The following C1orf87 variants were observed in gnomAD, a reference collection of about 807,000 sequenced individuals.
The protein encoded by C1orf87 is chromosome 1 open reading frame 87, also known as uncharacterized protein C1orf87.
In C1orf87, 58 loss-of-function variants were observed where a neutral mutation model predicts 60.5. That is an observed-to-expected ratio of 0.96 (90% CI 0.78 to 1.19). The LOEUF (loss-of-function observed/expected upper bound fraction) is 1.19. Among genes scored for constraint, C1orf87 ranks in the 50% most tolerant of loss-of-function variants. The pLI is 0.00. For synonymous variants in C1orf87, 236 were observed against 227.4 expected (o/e 1.04, Z -0.34); for missense variants, 673 against 638.6 (o/e 1.05, Z -0.58).
chr1:60,042,852 G>A (rs529939854), intron 3 of C1orf87, among the ~76,000 whole-genome samples: 5 of 152,308 alleles, frequency 3.3e-5, no homozygotes, highest in Admixed American at 1.3e-4. Flanking sequence ...CTGATGGTGG[G>A]AGGCATAGCA....
At chr1:59,990,916 T>C (rs1644917625) in intron 11 of C1orf87, 83 bp from the exon 12 acceptor site, 3 of 1,382,760 alleles carry the variant, frequency 2.2e-6, no homozygotes, top group South Asian at 1.4e-5. Flanking sequence ...CTTGAATGAC[T>C]TCCAGGTAAA....
chr1:60,005,024 C>G lies in C1orf87; in HGVS notation c.1193-3868G>C, dbSNP rs190004650. On this transcript the variant is annotated intron_variant, in intron 9 of 11. Coordinates refer to ENST00000371201, the MANE Select transcript of C1orf87 (RefSeq NM_152377.3). ...AACTCAGTACTTTTTAAAAAATTCC[C>G]TAGGTGATTCTAAAGTAAAACCAGG... is the stretch of plus-strand genomic sequence containing the variant. Among the ~76,000 whole-genome samples, 144 of 152,136 alleles carry G rather than the reference C, an allele frequency of 9.5e-4. 1 individual carries two copies. Among genetic ancestry groups the G allele is most frequent in the Middle Eastern group, 3.4e-3 (1 of 294 alleles).
chr1:59,994,319 G>T (rs1412248862), intron 11 of C1orf87, among the ~76,000 whole-genome samples: 1 of 151,720 alleles, frequency 6.6e-6, no homozygotes, highest in East Asian at 1.9e-4. Flanking sequence ...TATGTCATGG[G>T]ACTGGGTGTA....
Position 60,010,405 on chromosome 1 carries a change from A to G in C1orf87, c.1179T>C (p.Ser393=). Residue 393 remains serine (S), a synonymous_variant, in exon 9 of 12, where the codon TCT becomes TCC. Coordinates refer to ENST00000371201, the MANE Select transcript of C1orf87 (RefSeq NM_152377.3). ...AATGGAACTCACCTGTAGGCAAATC[A>G]GATAACAAATCAGAAGAAGCTCTGG... ...MLTRASSDLL[S]DLPTGKNEKK... 3.1e-6 allele frequency: 5 copies of G among 1,612,536 alleles called. No homozygotes were observed. Among genetic ancestry groups the G allele is most frequent in the Non-Finnish European group, 4.2e-6 (5 of 1,178,904 alleles).
At chr1:60,007,302 T>C (rs527524859) in intron 9 of C1orf87, among the ~76,000 whole-genome samples, 1 of 152,238 alleles carries the variant, frequency 6.6e-6, no homozygotes, top group Non-Finnish European at 1.5e-5. Flanking sequence ...AGTTCACTGG[T>C]CCTCTCATCA....
At chr1:60,051,256 G>A (rs1480325790) in intron 3 of C1orf87, among the ~76,000 whole-genome samples, 6 of 152,284 alleles carry the variant, frequency 3.9e-5, no homozygotes, top group Admixed American at 3.3e-4. Flanking sequence ...GAATTTAAGT[G>A]TTTTAAGCAG....
intron 2 of C1orf87, among the ~76,000 whole-genome samples, chr1:60,061,992 G>A (rs953471869): frequency 1.3e-5 from 2 of 152,000 alleles, no homozygotes; most frequent in Non-Finnish European, 2.9e-5. Flanking sequence ...TAGGTGGTTT[G>A]GGCCAATGGG....
intron 2 of C1orf87, among the ~76,000 whole-genome samples, chr1:60,064,954 A>G (rs1160859375): frequency 3.5e-5 from 3 of 86,386 alleles, no homozygotes; most frequent in African/African-American, 1.5e-4. Context: ...TATAATAAAT[A>G]TATAATATAT....
chr1:60,025,299 C>T, intron 8 of C1orf87, 102 bp downstream of exon 8: 5 of 890,990 alleles, frequency 5.6e-6, no homozygotes, highest in Non-Finnish European at 8.8e-6. Context: ...CCTCCCAAAC[C>T]AGTCTCCAAA....
intron 3 of C1orf87, among the ~76,000 whole-genome samples, chr1:60,048,683 A>C (rs1028411222): frequency 6.6e-6 from 1 of 152,112 alleles, no homozygotes; most frequent in Non-Finnish European, 1.5e-5. Context: ...TTATCCATTC[A>C]TCATGTTCCA....
chr1:60,010,621 A>G (rs1461631636), intron 8 of C1orf87, among the ~76,000 whole-genome samples, 165 bp from the exon 9 acceptor site: 1 of 152,008 alleles, frequency 6.6e-6, no homozygotes, highest in Non-Finnish European at 1.5e-5. Flanking sequence ...TATCTTTATT[A>G]AAAAGGGCTT....
intron 2 of C1orf87, among the ~76,000 whole-genome samples, chr1:60,067,543 G>T (rs921403664): frequency 3.3e-5 from 4 of 122,050 alleles, no homozygotes; most frequent in South Asian, 2.8e-4. Flanking sequence ...CATATCTTTT[G>T]CCCACTTTTT....
chr1:60,002,338 GATA>G lies in C1orf87; in HGVS notation c.1193-1185_1193-1183del, dbSNP rs772198258. Among the ~76,000 whole-genome samples, 7 of 152,030 alleles carry G rather than the reference GATA, an allele frequency of 4.6e-5. No homozygotes were observed. In the East Asian group the frequency reaches 7.7e-4, roughly 17 times the overall value. ...TCAGTTTCCTCTTCTGTATAAAGGG[GATA>G]ATGACACCTATAGGCTATTGTAAGG... On this transcript the variant is annotated intron_variant, in intron 9 of 11. Coordinates refer to ENST00000371201, the MANE Select transcript of C1orf87 (RefSeq NM_152377.3).
chr1:59,997,267 G>C (rs1227592176), intron 11 of C1orf87, among the ~76,000 whole-genome samples: 1 of 152,114 alleles, frequency 6.6e-6, no homozygotes, highest in Non-Finnish European at 1.5e-5. Flanking sequence ...AGGTGGATAG[G>C]GACCAGATTT....
intron 9 of C1orf87, among the ~76,000 whole-genome samples, chr1:60,009,721 A>G (rs1645069814): frequency 6.6e-6 from 1 of 152,046 alleles, no homozygotes; most frequent in Non-Finnish European, 1.5e-5. Context: ...TAGTAAATAG[A>G]AAAACTACAA....
intron 6 of C1orf87, among the ~76,000 whole-genome samples, chr1:60,036,006 C>T (rs1374363567): frequency 2.6e-5 from 4 of 152,168 alleles, no homozygotes; most frequent in Admixed American, 2.0e-4. Context: ...TTGTTTTCTA[C>T]CGCATGGTCT....
chr1:60,046,802 A>G (rs1260685088), intron 3 of C1orf87, among the ~76,000 whole-genome samples: 3 of 152,112 alleles, frequency 2.0e-5, no homozygotes, highest in African/African-American at 4.8e-5. Flanking sequence ...TTTTCTTGCA[A>G]TTGTTGAAGA....
At chr1:59,994,369 C>T (rs1644948854) in intron 11 of C1orf87, among the ~76,000 whole-genome samples, 1 of 152,018 alleles carries the variant, frequency 6.6e-6, no homozygotes, top group South Asian at 2.1e-4. Flanking sequence ...TTATGGCTCA[C>T]CATCCTACTG....
At position 60,000,505 on chromosome 1, in the gene C1orf87, G is replaced by T. The variant is rs375547431; in HGVS notation, c.1272+572C>A. Among the ~76,000 whole-genome samples the T allele has an allele frequency of 1.1e-4, 17 of 152,036 alleles. No individual in the cohort carries two copies. The East Asian group carries it at 2.3e-3, about 21-fold the overall frequency. On this transcript the variant is annotated intron_variant, in intron 10 of 11. Coordinates refer to ENST00000371201, the MANE Select transcript of C1orf87 (RefSeq NM_152377.3). Reference sequence around the variant, plus strand: ...TAAGATGAATTATGTTCTAATCCGGGCATTTAAAAAACAACAACAGAAAAA... The same window carrying T: ...TAAGATGAATTATGTTCTAATCCGGTCATTTAAAAAACAACAACAGAAAAA...
Sources: allele counts gnomAD v4.1 joint callset (sites outside exome capture counted in the v4.1 genomes callset), GRCh38; gene constraint gnomAD v4.1.1; transcripts MANE v1.5; gene names NCBI Gene and HGNC (gene_info 2026-07-23, HGNC 2026-07-21).